Variants in PAN3 observed in about 807,000 individuals in gnomAD.
The protein encoded by PAN3 is poly(A) specific ribonuclease subunit PAN3.
A neutral mutation model predicts 96.2 loss-of-function variants in PAN3; 19 were observed. The ratio of observed to expected loss-of-function variants is 0.20; its 90% CI spans 0.14 to 0.29. The LOEUF (loss-of-function observed/expected upper bound fraction) is 0.29. Among genes scored for constraint, PAN3 ranks in the 10% least tolerant of loss-of-function variants. The probability of loss-of-function intolerance (pLI) is 1.00; values close to 1 mark genes in which losing one functional copy is unlikely to be tolerated. For synonymous variants in PAN3, 433 were observed against 406.6 expected (o/e 1.06, Z -0.78); for missense variants, 882 against 1,108.1 (o/e 0.80, Z 2.90).
At chr13:28,253,883 A>G (rs941470807) in intron 6 of PAN3, among the ~76,000 whole-genome samples, 1 of 152,196 alleles carries the variant, frequency 6.6e-6, no homozygotes, top group Non-Finnish European at 1.5e-5. Flanking sequence ...AGAATTCTTA[A>G]GAGAACTCTT....
chr13:28,244,508 C>T (rs1883989826), intron 6 of PAN3, among the ~76,000 whole-genome samples: 1 of 152,050 alleles, frequency 6.6e-6, no homozygotes, highest in Non-Finnish European at 1.5e-5. Flanking sequence ...TCATCTCCTC[C>T]CTTGAAGTCT....
chr13:28,221,437 C>T (rs1044237525), intron 6 of PAN3, among the ~76,000 whole-genome samples: 1 of 152,008 alleles, frequency 6.6e-6, no homozygotes, highest in African/African-American at 2.4e-5. Flanking sequence ...CTGGTACTGT[C>T]TCCAGGGCTT....
intron 14 of PAN3, among the ~76,000 whole-genome samples, chr13:28,272,652 C>T (rs1886728052): frequency 6.6e-6 from 1 of 151,864 alleles, no homozygotes; most frequent in African/African-American, 2.4e-5. Flanking sequence ...TCACCACAAC[C>T]TCTGCCTCCC....
intron 1 of PAN3, among the ~76,000 whole-genome samples, chr13:28,163,828 T>C (rs1004105275): frequency 6.6e-6 from 1 of 152,260 alleles, no homozygotes; most frequent in Admixed American, 6.5e-5. Context: ...ATCTTTAATC[T>C]TTTGTAAATA....
chr13:28,182,939 TC>T (rs1319821452), intron 4 of PAN3, among the ~76,000 whole-genome samples: 1 of 152,190 alleles, frequency 6.6e-6, no homozygotes, highest in African/African-American at 2.4e-5. Context: ...TCTAAAGTCT[TC>T]CTTTGAAAAA....
intron 17 of PAN3, among the ~76,000 whole-genome samples, chr13:28,285,965 ATTTTG>A (rs1313592182): frequency 6.6e-6 from 1 of 151,892 alleles, no homozygotes; most frequent in African/African-American, 2.4e-5. Context: ...AGTTTGCTTT[ATTTTG>A]TTTTGTTTTG....
At position 28,277,218 on chromosome 13, in the gene PAN3, A is replaced by C; in HGVS notation, c.2050-19A>C. The C allele has an allele frequency of 6.3e-7, 1 of 1,595,240 alleles. No homozygotes were observed. The highest frequency in any genetic ancestry group is 8.5e-7 in the Non-Finnish European group (1 of 1,171,334). On this transcript the variant is annotated intron_variant, in intron 14 of 18. Coordinates refer to ENST00000380958, the MANE Select transcript of PAN3 (RefSeq NM_175854.8). ...CTGTGAAATGAAAATTAAAAGTTAT[A>C]TTTATTCTTTCATGTCAGCAAGCAG...
At chr13:28,257,621 A>G (rs1158203669) in intron 7 of PAN3, among the ~76,000 whole-genome samples, 1 of 147,782 alleles carries the variant, frequency 6.8e-6, no homozygotes, top group Non-Finnish European at 1.5e-5. Context: ...CATGAACCCT[A>G]TTGTAAACTA....
chr13:28,245,874 T>C (rs1475345545), intron 6 of PAN3, among the ~76,000 whole-genome samples: 3 of 152,216 alleles, frequency 2.0e-5, no homozygotes, highest in Non-Finnish European at 2.9e-5. Context: ...GGGTGAATAA[T>C]ATTCCATTAT....
At chr13:28,146,396 C>G (rs979061102) in intron 1 of PAN3, among the ~76,000 whole-genome samples, 2 of 151,962 alleles carry the variant, frequency 1.3e-5, no homozygotes, top group East Asian at 1.9e-4. Flanking sequence ...CCCTCCTCCC[C>G]CCATAGATCC....
At chr13:28,145,167 C>T (rs978371688) in intron 1 of PAN3, among the ~76,000 whole-genome samples, 4 of 152,096 alleles carry the variant, frequency 2.6e-5, no homozygotes, top group African/African-American at 7.2e-5. Flanking sequence ...ATAGTAACAT[C>T]TTTTGTAGCT....
intron 6 of PAN3, among the ~76,000 whole-genome samples, chr13:28,240,651 A>G (rs1883571709): frequency 6.6e-6 from 1 of 152,202 alleles, no homozygotes; most frequent in African/African-American, 2.4e-5. Flanking sequence ...GTTTGCAGAA[A>G]ATTCAACTTT....
At chr13:28,160,873 TC>T (rs1872799817) in intron 1 of PAN3, among the ~76,000 whole-genome samples, 1 of 152,222 alleles carries the variant, frequency 6.6e-6, no homozygotes, top group Non-Finnish European at 1.5e-5. Context: ...TTTCTGTACT[TC>T]TATTGAGAAT....
At chr13:28,171,114 C>G (rs905975785) in intron 1 of PAN3, among the ~76,000 whole-genome samples, 2 of 152,060 alleles carry the variant, frequency 1.3e-5, no homozygotes, top group African/African-American at 4.8e-5. Flanking sequence ...TCCTTTTAAC[C>G]AACCACATGA....
At chr13:28,237,501 T>A (rs1883223265) in intron 6 of PAN3, among the ~76,000 whole-genome samples, 1 of 152,144 alleles carries the variant, frequency 6.6e-6, no homozygotes, top group Admixed American at 6.5e-5. Flanking sequence ...TCATACATTT[T>A]TAAAAAATAG....
At chr13:28,199,447 T>A (rs1878442841) in intron 5 of PAN3, among the ~76,000 whole-genome samples, 1 of 152,180 alleles carries the variant, frequency 6.6e-6, no homozygotes, top group South Asian at 2.1e-4. Flanking sequence ...CTGAATCTAA[T>A]GTTTCCAATA....
chr13:28,146,421 C>T (rs1186248057), intron 1 of PAN3, among the ~76,000 whole-genome samples: 1 of 151,592 alleles, frequency 6.6e-6, no homozygotes, highest in Non-Finnish European at 1.5e-5. Flanking sequence ...ACTTGAGTGG[C>T]TAGGTGGTTT....
intron 5 of PAN3, among the ~76,000 whole-genome samples, chr13:28,201,713 T>G (rs1320708246): frequency 6.6e-6 from 1 of 152,166 alleles, no homozygotes; most frequent in Non-Finnish European, 1.5e-5. Context: ...TTTGTACTTT[T>G]AACTCTTTGT....
At chr13:28,244,792 T>C (rs971386408) in intron 6 of PAN3, among the ~76,000 whole-genome samples, 1 of 150,178 alleles carries the variant, frequency 6.7e-6, no homozygotes, top group Non-Finnish European at 1.5e-5. Flanking sequence ...TTCTTGATGC[T>C]TTTTTTCCCC....
Sources: allele counts gnomAD v4.1 joint callset (sites outside exome capture counted in the v4.1 genomes callset), GRCh38; gene constraint gnomAD v4.1.1; transcripts MANE v1.5; gene names NCBI Gene and HGNC (gene_info 2026-07-23, HGNC 2026-07-21).